FRMPD3: variants seen among roughly 807,000 people sequenced by gnomAD.
The protein encoded by FRMPD3 is FERM and PDZ domain containing 3.
FRMPD3 carries 42 observed loss-of-function variants against 97.9 expected under a neutral mutation model. That is an observed-to-expected ratio of 0.43 (90% CI 0.34 to 0.55). The LOEUF (loss-of-function observed/expected upper bound fraction) is 0.55, where lower values mean the gene tolerates loss of function less well. FRMPD3 is among the 20% of genes least tolerant of loss of function. FRMPD3 has a pLI of 0.03. For missense variants in FRMPD3, 1,303 were observed against 1,457.7 expected, an observed-to-expected ratio of 0.89 and a Z score of 1.73; for synonymous variants, 577 against 581.1, an observed-to-expected ratio of 0.99 and a Z score of 0.10.
chrX:107,509,020 AG>A (rs747160228), intron 1 of FRMPD3, among the ~76,000 whole-genome samples: 1 of 111,469 alleles, frequency 9.0e-6, no homozygotes, highest in East Asian at 2.8e-4. Flanking sequence ...CTGGGGAGGG[AG>A]GGGGGACTTG....
intron 13 of FRMPD3, among the ~76,000 whole-genome samples, chrX:107,596,687 CA>C (rs1953303698): frequency 1.8e-5 from 2 of 111,988 alleles, no homozygotes; most frequent in South Asian, 7.4e-4. Context: ...CACATCCCAG[CA>C]TATCTCCCAT....
At chrX:107,589,137 A>G (rs1280369744) in intron 13 of FRMPD3, among the ~76,000 whole-genome samples, 1 of 111,199 alleles carries the variant, frequency 9.0e-6, no homozygotes, top group Non-Finnish European at 1.9e-5. Context: ...TGTTGTGATC[A>G]TTTGGAGGAG....
intron 1 of FRMPD3, among the ~76,000 whole-genome samples, chrX:107,487,607 T>C (rs922601971): frequency 6.3e-5 from 7 of 111,347 alleles, no homozygotes; most frequent in Non-Finnish European, 1.3e-4. Flanking sequence ...TATTTATGGT[T>C]CTCTGAAAAG....
chrX:107,488,970 T>A (rs1195147180), intron 1 of FRMPD3, among the ~76,000 whole-genome samples: 1 of 95,760 alleles, frequency 1.0e-5, no homozygotes, highest in African/African-American at 3.8e-5. Context: ...TATCTCCTAA[T>A]GCTATCCCTC....
At chrX:107,476,769 A>G (rs1192433815) in intron 1 of FRMPD3, among the ~76,000 whole-genome samples, 1 of 112,703 alleles carries the variant, frequency 8.9e-6, no homozygotes. Context: ...AATCATGGTG[A>G]GGAGAATGTT....
intron 8 of FRMPD3, among the ~76,000 whole-genome samples, chrX:107,556,245 A>G (rs973182464): frequency 9.0e-6 from 1 of 110,943 alleles, no homozygotes. Context: ...AGGTTCATTT[A>G]CCAACCTTCT....
intron 12 of FRMPD3, among the ~76,000 whole-genome samples, chrX:107,575,703 G>T (rs938122762): frequency 1.8e-5 from 2 of 111,997 alleles, no homozygotes; most frequent in Non-Finnish European, 3.8e-5. Flanking sequence ...CTCCTGCCTC[G>T]GCCTCCCAAA....
intron 1 of FRMPD3, among the ~76,000 whole-genome samples, chrX:107,475,345 G>A (rs1921172177): frequency 9.0e-6 from 1 of 111,638 alleles, no homozygotes; most frequent in African/African-American, 3.3e-5. Flanking sequence ...TGTTTTCTGC[G>A]GTTCCTTTTT....
chrX:107,538,766 C>T (rs1921138860), intron 4 of FRMPD3, among the ~76,000 whole-genome samples: 2 of 111,713 alleles, frequency 1.8e-5, no homozygotes, highest in South Asian at 7.5e-4. Flanking sequence ...GTTCAAGTGA[C>T]TCTCCTGCCT....
intron 12 of FRMPD3, among the ~76,000 whole-genome samples, chrX:107,574,594 GA>G (rs1923035389): frequency 8.9e-6 from 1 of 112,380 alleles, no homozygotes; most frequent in Non-Finnish European, 1.9e-5. Flanking sequence ...GGAATCCTGG[GA>G]AAAAGAAAAC....
chrX:107,491,009 G>T (rs1398963194), intron 1 of FRMPD3, among the ~76,000 whole-genome samples: 2 of 111,855 alleles, frequency 1.8e-5, no homozygotes, highest in Non-Finnish European at 1.9e-5. Flanking sequence ...CGGTGAGGTA[G>T]ATGGTGTTAT....
Position 107,603,413 on chromosome X carries a change from C to A in FRMPD3, c.*40C>A. The A allele has an allele frequency of 1.8e-6, 2 of 1,121,340 alleles. No homozygotes were observed. Among genetic ancestry groups the A allele is most frequent in the African/African-American group, 3.6e-5 (2 of 55,009 alleles). 92.4% of individuals were successfully genotyped at this position (1,121,340 alleles called of 1,213,427 possible). A position where few individuals can be genotyped will look rare whatever the true frequency, so the allele number is the denominator to read the frequency against. ...CCTGTCCCCCTTCCCCAACCATGGC[C>A]CCAGGTTTGAGCTTTGTGGTCCTTG... is the stretch of plus-strand genomic sequence containing the variant. On this transcript the variant is annotated 3_prime_UTR_variant, in exon 15 of 15. Coordinates refer to ENST00000683843, the MANE Select transcript of FRMPD3 (RefSeq NM_001388459.1).
chrX:107,463,172 A>G (rs2092664017), intron 1 of FRMPD3, among the ~76,000 whole-genome samples: 3 of 112,203 alleles, frequency 2.7e-5, no homozygotes, highest in African/African-American at 9.7e-5. Flanking sequence ...TTCCCCAGCT[A>G]TTTCCCATTT....
chrX:107,517,769 AAAAG>A (rs1396374545), intron 1 of FRMPD3, among the ~76,000 whole-genome samples: 3 of 101,834 alleles, frequency 2.9e-5, no homozygotes, highest in Non-Finnish European at 5.9e-5. Flanking sequence ...GAAAAAAAAA[AAAAG>A]AAAGAAAGAA....
intron 1 of FRMPD3, among the ~76,000 whole-genome samples, chrX:107,490,332 G>A (rs1921626318): frequency 1.8e-5 from 2 of 111,807 alleles, no homozygotes; most frequent in African/African-American, 6.5e-5. Context: ...CTCTTTTTTG[G>A]TTCCATATGA....
At chrX:107,600,228 C>T (rs1047229410) in intron 14 of FRMPD3, 75 bp from the exon 15 acceptor site, 5 of 1,103,230 alleles carry the variant, frequency 4.5e-6, no homozygotes, top group African/African-American at 1.9e-5. Flanking sequence ...CCATGAATAC[C>T]GAGGGACAAC....
intron 12 of FRMPD3, among the ~76,000 whole-genome samples, chrX:107,570,144 G>A (rs760319191): frequency 7.4e-5 from 7 of 94,058 alleles, no homozygotes; most frequent in Non-Finnish European, 1.2e-4. Flanking sequence ...AAGGAAGGGA[G>A]GGAAGGAAAG....
At chrX:107,512,186 A>G (rs937963658) in intron 1 of FRMPD3, among the ~76,000 whole-genome samples, 1 of 109,948 alleles carries the variant, frequency 9.1e-6, no homozygotes, top group East Asian at 2.9e-4. Context: ...CTGCATCCCC[A>G]TCTGTGAGAT....
chrX:107,552,768 C>T lies in FRMPD3; in HGVS notation c.511-27C>T, dbSNP rs1921918995. The T allele has an allele frequency of 3.3e-6, 4 of 1,202,032 alleles. No individual in the cohort carries two copies. In the East Asian group the frequency reaches 8.9e-5, roughly 27 times the overall value. ...TAGCTTAGGGCCAGAACTAATCTCC[C>T]TCTCAAGGCTCTTTTCTGTCCCACA... On this transcript the variant is annotated intron_variant, in intron 6 of 14. Transcript: ENST00000683843.
Sources: gnomAD v4.1 joint callset for allele counts (sites outside exome capture counted in the v4.1 genomes callset) on GRCh38, gnomAD v4.1.1 for gene constraint, MANE v1.5 for transcripts, NCBI Gene and HGNC (gene_info 2026-07-23, HGNC 2026-07-21) for gene names.